NINL: variants seen among roughly 807,000 people sequenced by gnomAD.
NINL encodes the protein ninein-like protein.
A neutral mutation model predicts 160.3 loss-of-function variants in NINL; 153 were observed. The ratio of observed to expected loss-of-function variants is 0.95; its 90% CI spans 0.84 to 1.09. The LOEUF is 1.09. Among genes scored for constraint, NINL ranks in the 50% least tolerant of loss-of-function variants. The probability of loss-of-function intolerance (pLI) is 0.00; values close to 1 mark genes in which losing one functional copy is unlikely to be tolerated. For missense variants in NINL, 1,829 were observed against 1,764.0 expected (o/e 1.04, Z -0.66); for synonymous variants, 800 against 734.8 (o/e 1.09, Z -1.43).
At chr20:25,503,603 C>T (rs1270288425) in intron 7 of NINL, among the ~76,000 whole-genome samples, 1 of 151,524 alleles carries the variant, frequency 6.6e-6, no homozygotes, top group South Asian at 2.1e-4. Context: ...TCTGTTGCAT[C>T]GGGTGGGCAC....
At chr20:25,561,306 C>T (rs924520004) in intron 1 of NINL, among the ~76,000 whole-genome samples, 134 of 152,282 alleles carry the variant, frequency 8.8e-4, no homozygotes, top group African/African-American at 3.1e-3. Flanking sequence ...CCCGAGGTGC[C>T]GGGATTGCAG....
chr20:25,460,021 G>A (rs996279605), intron 21 of NINL, among the ~76,000 whole-genome samples: 1 of 152,138 alleles, frequency 6.6e-6, no homozygotes, highest in Non-Finnish European at 1.5e-5. Context: ...CGTGGAGAGG[G>A]CCCTGTGAGT....
At chr20:25,494,644 G>C (rs956884497) in intron 10 of NINL, among the ~76,000 whole-genome samples, 1 of 152,218 alleles carries the variant, frequency 6.6e-6, no homozygotes, top group Admixed American at 6.5e-5. Context: ...CCCTGTCCCA[G>C]CCACCCCCTA....
intron 1 of NINL, among the ~76,000 whole-genome samples, chr20:25,534,341 C>T (rs1234109284): frequency 6.6e-6 from 1 of 152,206 alleles, no homozygotes; most frequent in East Asian, 1.9e-4. Context: ...GCACTGCCAG[C>T]CCCAGACAGT....
intron 19 of NINL, 69 bp downstream of exon 19, chr20:25,467,320 A>T (rs1057500701): frequency 2.3e-6 from 3 of 1,288,234 alleles, no homozygotes; most frequent in Non-Finnish European, 3.4e-6. Context: ...TTGTAAGTTT[A>T]AAATGATTTC....
At chr20:25,504,827 C>G in intron 6 of NINL, 61 bp downstream of exon 6, 1 of 1,569,234 alleles carries the variant, frequency 6.4e-7, no homozygotes, top group East Asian at 2.2e-5. Context: ...TTTCCAGACC[C>G]AACACTAAAC....
intron 1 of NINL, among the ~76,000 whole-genome samples, chr20:25,544,461 T>C (rs2064709123): frequency 6.6e-6 from 1 of 152,182 alleles, no homozygotes; most frequent in Non-Finnish European, 1.5e-5. Flanking sequence ...CATTTGCACG[T>C]GACCTGACTG....
intron 1 of NINL, among the ~76,000 whole-genome samples, chr20:25,548,162 C>G (rs545893566): frequency 6.6e-5 from 10 of 152,302 alleles, no homozygotes; most frequent in African/African-American, 2.4e-4. Flanking sequence ...CGGTCCAGTG[C>G]AGCTTGGTCG....
At chr20:25,527,575 A>G (rs193081844) in intron 1 of NINL, among the ~76,000 whole-genome samples, 2 of 152,212 alleles carry the variant, frequency 1.3e-5, no homozygotes, top group Admixed American at 6.5e-5. Context: ...AGTGCTTACA[A>G]TAAGGAAAAA....
At chr20:25,499,005 C>T (rs2063814713) in intron 8 of NINL, 1 of 985,488 alleles carries the variant, frequency 1.0e-6, no homozygotes, top group Non-Finnish European at 1.2e-6. Flanking sequence ...TTGCTTTTTC[C>T]GCCTTGGGTA....
intron 1 of NINL, among the ~76,000 whole-genome samples, chr20:25,560,582 T>C (rs558876310): frequency 5.3e-5 from 8 of 152,314 alleles, no homozygotes; most frequent in African/African-American, 1.7e-4. Context: ...CTCTGGTTTC[T>C]GTCACTTCCC....
At chr20:25,469,474 C>T (rs1446969203) in intron 18 of NINL, among the ~76,000 whole-genome samples, 2 of 151,836 alleles carry the variant, frequency 1.3e-5, no homozygotes, top group South Asian at 2.1e-4. Flanking sequence ...GCCCCCACCC[C>T]CATCCTCTCT....
chr20:25,486,599 A>G (rs1428152837), intron 13 of NINL, among the ~76,000 whole-genome samples: 1 of 149,936 alleles, frequency 6.7e-6, no homozygotes, highest in Non-Finnish European at 1.5e-5. Flanking sequence ...AGGCAGAAGG[A>G]AGGCGACACC....
intron 17 of NINL, among the ~76,000 whole-genome samples, chr20:25,472,587 T>G (rs960140857): frequency 6.7e-6 from 1 of 150,148 alleles, no homozygotes; most frequent in Non-Finnish European, 1.5e-5. Flanking sequence ...TGGAGTGCAG[T>G]GGTGCAATCT....
chr20:25,462,661 G>GTTTTGTT, intron 19 of NINL, 120 bp from the exon 20 acceptor site: 2 of 935,612 alleles, frequency 2.1e-6, no homozygotes, highest in South Asian at 3.5e-5. Context: ...GTTTTGTTTT[G>GTTTTGTT]TTTTGTTTTT....
intron 19 of NINL, among the ~76,000 whole-genome samples, chr20:25,464,999 C>T (rs1191034490): frequency 1.3e-5 from 2 of 152,112 alleles, no homozygotes; most frequent in African/African-American, 2.4e-5. Flanking sequence ...TTTGAACTTG[C>T]ATTCATCTGG....
intron 9 of NINL, 103 bp from the exon 10 acceptor site, chr20:25,496,906 G>C: frequency 6.8e-7 from 1 of 1,460,680 alleles, no homozygotes; most frequent in Non-Finnish European, 9.3e-7. Flanking sequence ...ATAGAAACTA[G>C]CACACCAACT....
In NINL at chr20:25,574,221, A is replaced by G. The variant is rs185644512; in HGVS notation, c.-12+11234T>C. Reference sequence around the variant, plus strand: ...ATTCCCTTGTCCATTATCTCAACTGACTCAGGAAAACTATTCTCACTTGAC... The same window carrying G: ...ATTCCCTTGTCCATTATCTCAACTGGCTCAGGAAAACTATTCTCACTTGAC... On this transcript the variant is annotated intron_variant, in intron 1 of 23. Transcript: ENST00000278886. Among the ~76,000 whole-genome samples the G allele has an allele frequency of 1.4e-4, 22 of 152,258 alleles. No homozygotes were observed. The East Asian group carries it at 4.0e-3, about 28-fold the overall frequency.
chr20:25,509,157 C>A (rs2064019636), intron 5 of NINL, among the ~76,000 whole-genome samples: 1 of 152,142 alleles, frequency 6.6e-6, no homozygotes, highest in Non-Finnish European at 1.5e-5. Context: ...GTTTTTGGGA[C>A]CACATGTCCT....
Sources: gnomAD v4.1 joint callset for allele counts (sites outside exome capture counted in the v4.1 genomes callset) on GRCh38, gnomAD v4.1.1 for gene constraint, MANE v1.5 for transcripts, NCBI Gene and HGNC (gene_info 2026-07-23, HGNC 2026-07-21) for gene names.